FOXN3: variants seen among roughly 807,000 people sequenced by gnomAD.
FOXN3 encodes the protein forkhead box protein N3.
A neutral mutation model predicts 38.4 loss-of-function variants in FOXN3; 7 were observed. The observed-to-expected ratio is 0.18, with a 90% confidence interval of 0.10 to 0.34. The LOEUF (loss-of-function observed/expected upper bound fraction) is 0.34. Ranked by LOEUF, FOXN3 falls within the 10% of genes least tolerant of loss-of-function variation. The pLI is 1.00. For missense variants in FOXN3, 456 were observed against 613.4 expected, an observed-to-expected ratio of 0.74 and a Z score of 2.71; for synonymous variants, 230 against 242.2, an observed-to-expected ratio of 0.95 and a Z score of 0.47.
At chr14:89,585,415 A>C (rs1452157576) in intron 1 of FOXN3, among the ~76,000 whole-genome samples, 1 of 152,220 alleles carries the variant, frequency 6.6e-6, no homozygotes, top group Non-Finnish European at 1.5e-5. Context: ...AAGAAAAGTA[A>C]ATGTGTTTAA....
chr14:89,399,226 T>C (rs2140085843), intron 2 of FOXN3, among the ~76,000 whole-genome samples: 1 of 152,244 alleles, frequency 6.6e-6, no homozygotes, highest in African/African-American at 2.4e-5. Flanking sequence ...GCAGAGATGA[T>C]GGTGCTGATG....
chr14:89,594,777 T>C (rs940286230), intron 1 of FOXN3, among the ~76,000 whole-genome samples: 4 of 152,100 alleles, frequency 2.6e-5, no homozygotes, highest in Non-Finnish European at 5.9e-5. Context: ...TCCCAGCTAC[T>C]TGGGAGGCTG....
chr14:89,589,739 C>CG (rs374073686), intron 1 of FOXN3, among the ~76,000 whole-genome samples: 2 of 14,220 alleles, frequency 1.4e-4, no homozygotes, highest in African/African-American at 7.7e-4. Context: ...GGCGGGGGGG[C>CG]GGGGGGTGCC....
intron 4 of FOXN3, among the ~76,000 whole-genome samples, chr14:89,203,152 C>G (rs1309787951): frequency 2.6e-5 from 4 of 152,008 alleles, no homozygotes; most frequent in African/African-American, 9.7e-5. Flanking sequence ...CTATTTACAG[C>G]CCATCAAGTA....
chr14:89,544,318 G>A (rs962990247), intron 1 of FOXN3, among the ~76,000 whole-genome samples: 15 of 151,504 alleles, frequency 9.9e-5, no homozygotes, highest in Non-Finnish European at 1.6e-4. Flanking sequence ...TGGGATTACA[G>A]GCGTGAGCCA....
intron 4 of FOXN3, among the ~76,000 whole-genome samples, chr14:89,264,411 A>G (rs1885904201): frequency 6.6e-6 from 1 of 152,206 alleles, no homozygotes; most frequent in South Asian, 2.1e-4. Flanking sequence ...CTAACATGAC[A>G]GAACAGCATG....
intron 1 of FOXN3, among the ~76,000 whole-genome samples, chr14:89,426,353 G>A (rs1341739049): frequency 6.6e-6 from 1 of 150,800 alleles, no homozygotes; most frequent in Non-Finnish European, 1.5e-5. Flanking sequence ...AGCCTCCTGA[G>A]TAGCTGGGAT....
intron 1 of FOXN3, among the ~76,000 whole-genome samples, chr14:89,526,259 C>T (rs941604133): frequency 6.6e-6 from 1 of 152,036 alleles, no homozygotes; most frequent in Non-Finnish European, 1.5e-5. Flanking sequence ...ATTGGAGGTT[C>T]TAACCATGCC....
At chr14:89,595,080 G>C (rs1896031282) in intron 1 of FOXN3, among the ~76,000 whole-genome samples, 1 of 151,924 alleles carries the variant, frequency 6.6e-6, no homozygotes, top group Non-Finnish European at 1.5e-5. Flanking sequence ...ACTTTGGGAG[G>C]CCGAGGCGGG....
At chr14:89,324,696 GGT>G (rs1189008362) in intron 3 of FOXN3, among the ~76,000 whole-genome samples, 3 of 151,990 alleles carry the variant, frequency 2.0e-5, no homozygotes, top group Non-Finnish European at 2.9e-5. Context: ...CACACACATG[GGT>G]CCCCTGAAAA....
At chr14:89,228,877 G>A (rs564555786) in intron 4 of FOXN3, among the ~76,000 whole-genome samples, 1 of 152,318 alleles carries the variant, frequency 6.6e-6, no homozygotes, top group East Asian at 1.9e-4. Flanking sequence ...CTTCCTAGCT[G>A]TGTACTTGGG....
Position 89,157,294 on chromosome 14 carries a change from T to A in FOXN3, c.*5120A>T, listed in dbSNP as rs1887002241. 1 of 152,636 alleles carries A rather than the reference T, an allele frequency of 6.6e-6. No homozygotes were observed. Among genetic ancestry groups the A allele is most frequent in the African/African-American group, 2.4e-5 (1 of 41,446 alleles). 9.5% of individuals were successfully genotyped at this position (152,636 alleles called of 1,614,324 possible). A position where few individuals can be genotyped will look rare whatever the true frequency, so the allele number is the denominator to read the frequency against. On this transcript the variant is annotated 3_prime_UTR_variant, in exon 6 of 6. Coordinates refer to ENST00000557258, the MANE Select transcript of FOXN3 (RefSeq NM_005197.4). ...TAAAAACTGTGTTTTCCTTCCTTAATTTTTGGTCAGTGAAGCTAGCACTTG... is the reference window on the plus strand; with the variant it reads ...TAAAAACTGTGTTTTCCTTCCTTAAATTTTGGTCAGTGAAGCTAGCACTTG...
chr14:89,363,990 T>TATA (rs1555421754), intron 2 of FOXN3, among the ~76,000 whole-genome samples: 77 of 76,776 alleles, frequency 1.0e-3, no homozygotes, highest in African/African-American at 4.6e-3. Context: ...ATATATATAA[T>TATA]ATATATATAT....
In FOXN3 at chr14:89,547,130, C is replaced by A. The variant is rs537583988; in HGVS notation, c.-15+71898G>T. Among the ~76,000 whole-genome samples, 20 of 152,310 alleles carry A rather than the reference C, an allele frequency of 1.3e-4. No homozygotes were observed. In the South Asian group the frequency reaches 3.9e-3, roughly 30 times the overall value. ...AGAACAGAGGCTGGGCAAGGTGGCT[C>A]ACGCCTGTAATCAGATTGCTGATGG... On this transcript the variant is annotated intron_variant, in intron 1 of 6. Transcript: ENST00000345097.
chr14:89,214,384 T>C (rs954970526), intron 4 of FOXN3, among the ~76,000 whole-genome samples: 1 of 152,166 alleles, frequency 6.6e-6, no homozygotes. Context: ...ACAGAAAGGG[T>C]CACCCTTGCC....
At chr14:89,479,459 T>C (rs890471228) in intron 1 of FOXN3, among the ~76,000 whole-genome samples, 1 of 152,164 alleles carries the variant, frequency 6.6e-6, no homozygotes, top group African/African-American at 2.4e-5. Flanking sequence ...GCCAAAACTC[T>C]CAACTTGTTT....
chr14:89,206,481 T>C (rs931748641), intron 4 of FOXN3, among the ~76,000 whole-genome samples: 1 of 152,054 alleles, frequency 6.6e-6, no homozygotes, highest in Non-Finnish European at 1.5e-5. Flanking sequence ...CCCAGGCAGA[T>C]TGGAAGGGTA....
At chr14:89,364,255 TAAAAAAGAA>T (rs1788351873) in intron 2 of FOXN3, 4 of 58,622 alleles carry the variant, frequency 6.8e-5, no homozygotes, top group Non-Finnish European at 1.6e-4. Flanking sequence ...CAGTTTAGAT[TAAAAAAGAA>T]AAAAAAAAGA....
chr14:89,414,550 G>A (rs901582687), intron 1 of FOXN3, among the ~76,000 whole-genome samples: 2 of 139,548 alleles, frequency 1.4e-5, no homozygotes, highest in Non-Finnish European at 3.1e-5. Context: ...AGGCCCAACC[G>A]GTTTTTTTTT....
Sources: allele counts gnomAD v4.1 joint callset (sites outside exome capture counted in the v4.1 genomes callset), GRCh38; gene constraint gnomAD v4.1.1; transcripts MANE v1.5; gene names NCBI Gene and HGNC (gene_info 2026-07-23, HGNC 2026-07-21).